GATAD1: variants seen among roughly 807,000 people sequenced by gnomAD.
GATAD1 encodes the protein GATA zinc finger domain containing 1, also known as GATA zinc finger domain-containing protein 1.
A neutral mutation model predicts 26.5 loss-of-function variants in GATAD1; 12 were observed. The observed-to-expected ratio is 0.45, with a 90% CI of 0.29 to 0.73. The LOEUF (loss-of-function observed/expected upper bound fraction) is 0.73. Ranked by LOEUF, GATAD1 falls within the 30% of genes least tolerant of loss-of-function variation. The probability of loss-of-function intolerance (pLI) is 0.10; values close to 1 mark genes in which losing one functional copy is unlikely to be tolerated. For missense variants in GATAD1, 266 were observed against 342.1 expected (o/e 0.78, Z 1.75); for synonymous variants, 129 against 133.1 (o/e 0.97, Z 0.21).
At chr7:92,490,255 A>C in the GATAD1 span, 1 of 275,866 alleles carries the variant, frequency 3.6e-6, no homozygotes, top group Non-Finnish European at 6.9e-6. Context: ...TCTAAATAGA[A>C]TAAATTAAAA....
the GATAD1 span, chr7:92,491,139 C>A: frequency 1.5e-6 from 1 of 669,098 alleles, no homozygotes. Flanking sequence ...AAGCAAGAAA[C>A]AAGACTATTT....
At chr7:92,460,797 AAAG>A (rs1203247884), downstream of GATAD1, among the ~76,000 whole-genome samples, 7 of 151,626 alleles carry the variant, frequency 4.6e-5, no homozygotes, top group Admixed American at 2.6e-4. Flanking sequence ...AAAAAAAAAA[AAAG>A]ACGGAAATTC....
At chr7:92,483,538 G>A in the GATAD1 span, among the ~76,000 whole-genome samples, 3 of 152,190 alleles carry the variant, frequency 2.0e-5, no homozygotes, top group Admixed American at 6.5e-5. Context: ...AGAATAAGAC[G>A]GCCTTCTGAC....
chr7:92,460,374 G>A (rs1026015370), downstream of GATAD1, among the ~76,000 whole-genome samples: 3 of 152,132 alleles, frequency 2.0e-5, no homozygotes, highest in African/African-American at 4.8e-5. Context: ...TTTGGTAGGA[G>A]GGTATACCTC....
intron 2 of GATAD1, 31 bp from the exon 3 acceptor site, chr7:92,450,667 TATG>T: frequency 6.7e-7 from 1 of 1,482,892 alleles, no homozygotes; most frequent in Non-Finnish European, 9.4e-7. Context: ...ACATACATAC[TATG>T]AATGTGCTAA....
chr7:92,448,034 G>T (rs976926550), intron 1 of GATAD1, 56 bp downstream of exon 1: 36 of 1,177,840 alleles, frequency 3.1e-5, no homozygotes, highest in Middle Eastern at 3.3e-4. Flanking sequence ...TAGGCGGGCG[G>T]GGACGGGCTG....
intron 4 of GATAD1, among the ~76,000 whole-genome samples, chr7:92,455,119 A>G (rs1283446426): frequency 6.7e-6 from 1 of 150,204 alleles, no homozygotes; most frequent in African/African-American, 2.5e-5. Context: ...GCGGGGGGGG[A>G]TGCAATTCAG....
At chr7:92,464,874 C>T (rs1790042216), downstream of GATAD1, among the ~76,000 whole-genome samples, 1 of 152,144 alleles carries the variant, frequency 6.6e-6, no homozygotes, top group African/African-American at 2.4e-5. Context: ...CAGAATAATG[C>T]CATAGAGGAG....
At position 92,456,436 on chromosome 7, in the gene GATAD1, G is replaced by C; in HGVS notation, c.684G>C (p.Glu228Asp). Residue 228 changes from glutamate (E) to aspartate (D), a missense_variant, in exon 5 of 5, where the codon GAG (glutamate) becomes GAC (aspartate). By Grantham distance (45) the Glu-to-Asp change is conservative. Coordinates refer to ENST00000287957, the MANE Select transcript of GATAD1 (RefSeq NM_021167.5). ...YLEFVCHAPS[E>D]YFKSRSSPFP... ...AATTTGTTTGTCATGCACCTTCTGAGTATTTCAAGTCACGGTCATCACCAT... is the reference window on the plus strand; with the variant it reads ...AATTTGTTTGTCATGCACCTTCTGACTATTTCAAGTCACGGTCATCACCAT... 6.2e-7 allele frequency: 1 copy of C among 1,612,946 alleles called. No individual in the cohort carries two copies. Among genetic ancestry groups the C allele is most frequent in the Non-Finnish European group, 8.5e-7 (1 of 1,178,910 alleles).
At chr7:92,460,873 G>A (rs780238497), downstream of GATAD1, among the ~76,000 whole-genome samples, 6 of 150,370 alleles carry the variant, frequency 4.0e-5, no homozygotes, top group Middle Eastern at 6.9e-3. Context: ...TTTATACTTC[G>A]CAGTATTTTC....
the GATAD1 span, chr7:92,494,720 G>T: frequency 1.1e-6 from 1 of 943,454 alleles, no homozygotes; most frequent in Non-Finnish European, 1.6e-6. Flanking sequence ...TTTATTTTAT[G>T]TATTTATATA....
chr7:92,488,243 A>G, the GATAD1 span, among the ~76,000 whole-genome samples: 1 of 152,378 alleles, frequency 6.6e-6, no homozygotes, highest in East Asian at 1.9e-4. Flanking sequence ...ATATATAAGC[A>G]TATAAACAAA....
chr7:92,489,932 A>G, the GATAD1 span: 1 of 1,594,396 alleles, frequency 6.3e-7, no homozygotes, highest in African/African-American at 1.3e-5. Flanking sequence ...AATTGTAGTA[A>G]TGAAAGATGG....
At chr7:92,489,321 C>T in the GATAD1 span, 1 of 1,613,586 alleles carries the variant, frequency 6.2e-7, no homozygotes, top group Non-Finnish European at 8.5e-7. Flanking sequence ...CAGTCATCTT[C>T]ACTAATGGAT....
chr7:92,465,383 C>T, the GATAD1 span, among the ~76,000 whole-genome samples: 118 of 151,912 alleles, frequency 7.8e-4, no homozygotes, highest in Admixed American at 1.4e-3. Flanking sequence ...TTTGAGAGGC[C>T]GAGGCGGGTG....
chr7:92,495,367 T>C, the GATAD1 span, among the ~76,000 whole-genome samples: 2 of 152,126 alleles, frequency 1.3e-5, no homozygotes, highest in African/African-American at 2.4e-5. Context: ...AAGTAAAATA[T>C]ATCTTCTGGG....
the GATAD1 span, chr7:92,491,467 CAG>C: frequency 6.2e-7 from 1 of 1,613,018 alleles, no homozygotes; most frequent in Non-Finnish European, 8.5e-7. Flanking sequence ...CCATTGAAGA[CAG>C]ACTTAGGTCA....
chr7:92,489,782 G>C, the GATAD1 span: 1 of 1,613,972 alleles, frequency 6.2e-7, no homozygotes, highest in African/African-American at 1.3e-5. Context: ...CTTTGTTCTT[G>C]TGTAAGTTCT....
At chr7:92,491,785 A>C in the GATAD1 span, among the ~76,000 whole-genome samples, 1 of 152,190 alleles carries the variant, frequency 6.6e-6, no homozygotes, top group Non-Finnish European at 1.5e-5. Context: ...TATGTCTCTG[A>C]CTTTCCATTC....
Sources: gnomAD v4.1 joint callset for allele counts (sites outside exome capture counted in the v4.1 genomes callset) on GRCh38, gnomAD v4.1.1 for gene constraint, MANE v1.5 for transcripts, NCBI Gene and HGNC (gene_info 2026-07-23, HGNC 2026-07-21) for gene names.